The following FAM185A variants were observed in gnomAD, a reference collection of about 807,000 sequenced individuals.
FAM185A encodes protein FAM185A.
In FAM185A, 21 loss-of-function variants were observed where a neutral mutation model predicts 45.7. That is an observed-to-expected ratio of 0.46 (90% CI 0.33 to 0.66). FAM185A has a LOEUF of 0.66. Among genes scored for constraint, FAM185A ranks in the 30% least tolerant of loss-of-function variants. The probability of loss-of-function intolerance (pLI) is 0.03; values close to 1 mark genes in which losing one functional copy is unlikely to be tolerated. For synonymous variants in FAM185A, 117 were observed against 194.0 expected (o/e 0.60, Z 3.30); for missense variants, 305 against 485.4 (o/e 0.63, Z 3.49).
In FAM185A at chr7:102,754,484, C is replaced by T. The variant is rs547350733; in HGVS notation, c.561+2683C>T. On this transcript the variant is annotated intron_variant, in intron 2 of 7. Transcript: ENST00000413034. ...GCATGAGCCACCGTGCTCAGCCCTA[C>T]ATAATAAAATTTTTATAGCAATAAT... Among the ~76,000 whole-genome samples the T allele has an allele frequency of 3.3e-5, 5 of 152,376 alleles. No homozygotes were observed. The East Asian group carries it at 7.7e-4, about 23-fold the overall frequency.
At chr7:102,842,260 C>G in the FAM185A span, among the ~76,000 whole-genome samples, 2 of 152,224 alleles carry the variant, frequency 1.3e-5, no homozygotes, top group African/African-American at 4.8e-5. Flanking sequence ...ATAAACACAA[C>G]TTGTAACCCT....
intron 4 of FAM185A, among the ~76,000 whole-genome samples, chr7:102,764,955 T>C (rs1301788292): frequency 2.0e-5 from 3 of 152,272 alleles, no homozygotes; most frequent in Admixed American, 1.3e-4. Flanking sequence ...GGTGGGTGGG[T>C]GGTTGAAAGC....
At chr7:102,850,000 T>C in the FAM185A span, among the ~76,000 whole-genome samples, 1 of 152,028 alleles carries the variant, frequency 6.6e-6, no homozygotes, top group Admixed American at 6.5e-5. Context: ...CCTGTTTTGT[T>C]TTGTTTTTTT....
chr7:102,820,726 G>A, the FAM185A span, among the ~76,000 whole-genome samples: 2 of 152,180 alleles, frequency 1.3e-5, no homozygotes, highest in Non-Finnish European at 2.9e-5. Context: ...AGGAAAGAAG[G>A]AGCCCTAGCT....
the FAM185A span, among the ~76,000 whole-genome samples, chr7:102,823,251 C>T: frequency 4.6e-5 from 7 of 152,156 alleles, no homozygotes; most frequent in South Asian, 8.3e-4. Flanking sequence ...TCTAAGGCAT[C>T]ACCAATTTAA....
chr7:102,813,563 G>T (rs371289543), downstream of FAM185A: 411 of 1,598,622 alleles, frequency 2.6e-4, no homozygotes, highest in Non-Finnish European at 3.3e-4. Flanking sequence ...TTAGCTAGTT[G>T]CAGAAGTAAC....
chr7:102,832,553 C>T, the FAM185A span, among the ~76,000 whole-genome samples: 1 of 152,200 alleles, frequency 6.6e-6, no homozygotes, highest in Admixed American at 6.5e-5. Context: ...AAATGCTCTA[C>T]GCACTGGCTT....
intron 6 of FAM185A, among the ~76,000 whole-genome samples, chr7:102,782,060 G>T (rs1369137027): frequency 6.6e-6 from 1 of 152,166 alleles, no homozygotes; most frequent in Non-Finnish European, 1.5e-5. Context: ...TATCAGTGAT[G>T]GAAGATGAAA....
chr7:102,809,940 G>A (rs900113384), downstream of FAM185A, among the ~76,000 whole-genome samples: 2 of 152,034 alleles, frequency 1.3e-5, no homozygotes, highest in Non-Finnish European at 2.9e-5. Context: ...AGATCTGACT[G>A]TTTAAAAGTG....
chr7:102,761,084 T>C (rs1274479478), intron 3 of FAM185A, among the ~76,000 whole-genome samples, 189 bp from the exon 4 acceptor site: 2 of 152,166 alleles, frequency 1.3e-5, no homozygotes, highest in Non-Finnish European at 2.9e-5. Context: ...ATTGGATCTG[T>C]TCCATATTCT....
intron 1 of FAM185A, among the ~76,000 whole-genome samples, chr7:102,750,082 C>T (rs903981522): frequency 2.6e-5 from 4 of 152,160 alleles, no homozygotes; most frequent in African/African-American, 7.2e-5. Context: ...TAGGATGTTC[C>T]GGGTATCACC....
downstream of FAM185A, chr7:102,813,560 G>A (rs1224591676): frequency 1.3e-6 from 2 of 1,599,328 alleles, no homozygotes; most frequent in East Asian, 2.2e-5. Flanking sequence ...GCATTAGCTA[G>A]TTGCAGAAGT....
chr7:102,773,538 G>A (rs938934936), intron 5 of FAM185A, among the ~76,000 whole-genome samples: 30 of 152,034 alleles, frequency 2.0e-4, no homozygotes, highest in Non-Finnish European at 2.9e-5. Flanking sequence ...GTCATTTTAT[G>A]GATGTATATA....
chr7:102,840,793 C>T, the FAM185A span, among the ~76,000 whole-genome samples: 3 of 152,136 alleles, frequency 2.0e-5, no homozygotes, highest in African/African-American at 7.2e-5. Flanking sequence ...CATGTTACCT[C>T]AAGTTTCTTC....
At chr7:102,835,819 C>T in the FAM185A span, among the ~76,000 whole-genome samples, 30 of 151,516 alleles carry the variant, frequency 2.0e-4, no homozygotes, top group South Asian at 5.5e-3. Context: ...CCGTTTTAGC[C>T]GGGATGGTCT....
downstream of FAM185A, among the ~76,000 whole-genome samples, chr7:102,811,276 G>A (rs1265301228): frequency 6.6e-6 from 1 of 152,110 alleles, no homozygotes; most frequent in Non-Finnish European, 1.5e-5. Context: ...CAGACAAAAA[G>A]AAAAAGCTGC....
chr7:102,838,864 T>C, the FAM185A span, among the ~76,000 whole-genome samples: 3 of 152,196 alleles, frequency 2.0e-5, no homozygotes, highest in Non-Finnish European at 4.4e-5. Context: ...CCCCATGTGA[T>C]AGTCTGAAAT....
At position 102,753,299 on chromosome 7, in the gene FAM185A, A is replaced by T. The variant is rs549142756; in HGVS notation, c.561+1498A>T. Among the ~76,000 whole-genome samples, 157 of 151,376 alleles carry T rather than the reference A, an allele frequency of 1.0e-3. 1 individual carries two copies. Among genetic ancestry groups the T allele is most frequent in the African/African-American group, 3.7e-3 (153 of 41,106 alleles). ...AAGAGTTTGAGATTTCCAATTTCAC[A>T]ATCAAAATTAGAATCTAGTATACTG... is the stretch of plus-strand genomic sequence containing the variant. On this transcript the variant is annotated intron_variant, in intron 2 of 7. Transcript: ENST00000413034.
intron 6 of FAM185A, among the ~76,000 whole-genome samples, chr7:102,783,492 A>C (rs1319195567): frequency 6.6e-6 from 1 of 152,332 alleles, no homozygotes; most frequent in East Asian, 1.9e-4. Flanking sequence ...CAGGATTAAG[A>C]AACTCACTCA....
Sources: allele counts gnomAD v4.1 joint callset (sites outside exome capture counted in the v4.1 genomes callset), GRCh38; gene constraint gnomAD v4.1.1; transcripts MANE v1.5; gene names NCBI Gene and HGNC (gene_info 2026-07-23, HGNC 2026-07-21).